The following ANP32E variants were observed in gnomAD, a reference collection of about 807,000 sequenced individuals.
ANP32E encodes acidic leucine-rich nuclear phosphoprotein 32 family member E.
Under a neutral mutation model 35.3 loss-of-function variants are expected in ANP32E, and 14 were observed. The observed-to-expected ratio is 0.40, with a 90% CI of 0.26 to 0.62. ANP32E has a LOEUF of 0.62. Ranked by LOEUF, ANP32E falls within the 20% of genes least tolerant of loss-of-function variation. The pLI, the probability that ANP32E is intolerant of heterozygous loss-of-function variation, is 0.45. For missense variants in ANP32E, 198 were observed against 304.4 expected (o/e 0.65, Z 2.60); for synonymous variants, 89 against 110.4 (o/e 0.81, Z 1.22).
At chr1:150,226,447 A>G (rs1648882106) in intron 5 of ANP32E, among the ~76,000 whole-genome samples, 161 bp downstream of exon 5, 1 of 152,188 alleles carries the variant, frequency 6.6e-6, no homozygotes, top group Admixed American at 6.5e-5. Context: ...ATCTGGATAT[A>G]GTTTGGGGTG....
At position 150,235,440 on chromosome 1, in the gene ANP32E, CA is replaced by C. The variant is rs1158759259; in HGVS notation, c.54+292del. On this transcript the variant is annotated intron_variant, in intron 1 of 6. Transcript: ENST00000583931. The surrounding 1 kb of genome is among the most constrained non-coding windows in gnomAD (Gnocchi z 4.2). ...CGGGAGCGAAGCGGCGGAGCGCCCC[CA>C]CCAGCCCGCTTCCCGCCCCCACGAG... Among the ~76,000 whole-genome samples the C allele has an allele frequency of 6.6e-6, 1 of 152,258 alleles. No homozygotes were observed. The highest frequency in any genetic ancestry group is 2.4e-5 in the African/African-American group (1 of 41,470).
At chr1:150,224,580 G>GAA (rs1320160965) in intron 5 of ANP32E, among the ~76,000 whole-genome samples, 16 of 150,390 alleles carry the variant, frequency 1.1e-4, no homozygotes, top group African/African-American at 1.7e-4. Flanking sequence ...TCTCAAAAAA[G>GAA]AAAAAAAAAG....
rs1553841439 is a variant in ANP32E, at chr1:150,230,592, A to T, written c.306T>A (p.Asp102Glu). 1 of 1,613,496 alleles carries T rather than the reference A, an allele frequency of 6.2e-7. No homozygotes were observed. The highest frequency in any genetic ancestry group is 2.2e-5 in the East Asian group (1 of 44,860). ...YLNLSGNKIK[D>E]LSTVEALQNL... is the part of the protein sequence containing the mutation. ...TTACCAGAGCTTCTACTGTACTGAG[A>T]TCTTTTATTTTGTTTCCACTCAGAT... is the stretch of plus-strand genomic sequence containing the variant. Residue 102 changes from aspartate (D) to glutamate (E), a missense_variant, in exon 3 of 7, where the codon GAT becomes GAA. Around this residue, in one of 4 missense-constraint regions of ANP32E, gnomAD observed 31 missense variants for 62.6 expected, o/e 0.50. Transcript: ENST00000583931.
At chr1:150,224,233 A>C (rs1206636656) in intron 5 of ANP32E, among the ~76,000 whole-genome samples, 1 of 152,202 alleles carries the variant, frequency 6.6e-6, no homozygotes, top group Non-Finnish European at 1.5e-5. Flanking sequence ...CAAGAAAAAA[A>C]GGGGAAGACT....
At chr1:150,222,552 C>T (rs1358309986) in intron 6 of ANP32E, among the ~76,000 whole-genome samples, 1 of 151,178 alleles carries the variant, frequency 6.6e-6, no homozygotes, top group Non-Finnish European at 1.5e-5. Flanking sequence ...ACCCAGAGTT[C>T]AACAAAGCCT....
chr1:150,234,426 T>TAAAAAAA (rs11380706), intron 1 of ANP32E, among the ~76,000 whole-genome samples: 2 of 141,510 alleles, frequency 1.4e-5, no homozygotes, highest in African/African-American at 5.3e-5. Context: ...AACAGGCACT[T>TAAAAAAA]AAAAAAAAAA....
intron 4 of ANP32E, 101 bp from the exon 5 acceptor site, chr1:150,226,896 C>A: frequency 7.0e-7 from 1 of 1,426,034 alleles, no homozygotes; most frequent in South Asian, 1.6e-5. Flanking sequence ...AACTTGTAAG[C>A]CAATAGGTGG....
Position 150,229,560 on chromosome 1 carries a change from C to T in ANP32E, c.328-323G>A, listed in dbSNP as rs587733532. ...AATGGCATGATCTCAGCTCACCACACCTCCGCCTCCCGGGTTCAAGCGATT... is the reference window on the plus strand; with the variant it reads ...AATGGCATGATCTCAGCTCACCACATCTCCGCCTCCCGGGTTCAAGCGATT... On this transcript the variant is annotated intron_variant, in intron 3 of 6. Transcript: ENST00000583931. Among the ~76,000 whole-genome samples, 5 of 152,220 alleles carry T rather than the reference C, an allele frequency of 3.3e-5. No individual in the cohort carries two copies. In the South Asian group the frequency reaches 1.0e-3, roughly 32 times the overall value.
chr1:150,233,264 CAAAAAAAAAAAAA>C (rs60732970), intron 1 of ANP32E, among the ~76,000 whole-genome samples: 89 of 86,390 alleles, frequency 1.0e-3, no homozygotes, highest in African/African-American at 3.4e-3. Flanking sequence ...GACTCTATCT[CAAAAAAAAAAAAA>C]AAAAAAAAAA....
At chr1:150,230,907 T>A (rs1649301322) in intron 2 of ANP32E, among the ~76,000 whole-genome samples, 1 of 152,150 alleles carries the variant, frequency 6.6e-6, no homozygotes, top group African/African-American at 2.4e-5. Context: ...CACACCCAGC[T>A]AACTTTTGTA....
chr1:150,229,981 C>T (rs1358328530), intron 3 of ANP32E, among the ~76,000 whole-genome samples: 8 of 152,124 alleles, frequency 5.3e-5, no homozygotes, highest in East Asian at 3.8e-4. Context: ...TTGTATTTTT[C>T]GAGTTTTATA....
intron 4 of ANP32E, among the ~76,000 whole-genome samples, chr1:150,227,135 G>A (rs143724400): frequency 0.02 from 3,085 of 152,210 alleles, 119 homozygotes; most frequent in African/African-American, 0.068. Context: ...GGGAATGCTT[G>A]TACACTGTTG....
At chr1:150,222,969 T>C (rs1360039214) in intron 6 of ANP32E, among the ~76,000 whole-genome samples, 1 of 151,968 alleles carries the variant, frequency 6.6e-6, no homozygotes, top group Non-Finnish European at 1.5e-5. Flanking sequence ...ATAAGCTGTT[T>C]ATGAGTTATG....
chr1:150,234,014 A>G (rs980092904), intron 1 of ANP32E, among the ~76,000 whole-genome samples: 1 of 152,144 alleles, frequency 6.6e-6, no homozygotes, highest in Non-Finnish European at 1.5e-5. Flanking sequence ...GAACAACACA[A>G]TCCACCTTAC....
In ANP32E at chr1:150,226,698, A is replaced by C; in HGVS notation, c.591T>G (p.Asp197Glu). The C allele has an allele frequency of 6.3e-7, 1 of 1,581,880 alleles. No individual in the cohort carries two copies. The highest frequency in any genetic ancestry group is 1.1e-5 in the South Asian group (1 of 89,620). ...EEEEEEEEDE[D>E]EDEDEDEAGS... ...CTGCTTCATCTTCATCTTCATCCTC[A>C]TCCTCATCCTCCTCTTCCTCTTCCT... The change falls in exon 5 of 7, where the codon GAT (aspartate) becomes GAG (glutamate). Residue 197 changes from aspartate (D) to glutamate (E), a missense_variant. Coordinates refer to ENST00000583931, the MANE Select transcript of ANP32E (RefSeq NM_030920.5).
At chr1:150,232,760 AC>A (rs1302013583) in intron 1 of ANP32E, among the ~76,000 whole-genome samples, 1 of 151,976 alleles carries the variant, frequency 6.6e-6, no homozygotes, top group East Asian at 1.9e-4. Flanking sequence ...GGGATGAGCC[AC>A]CTTGCCTGGC....
Position 150,220,161 on chromosome 1 carries a change from T to G in ANP32E, c.*530A>C, listed in dbSNP as rs2101750640. 1 of 150,872 alleles carries G rather than the reference T, an allele frequency of 6.6e-6. No homozygotes were observed. The highest frequency in any genetic ancestry group is 1.5e-5 in the Non-Finnish European group (1 of 68,026). The allele number at this position is 150,872 out of a possible 1,614,324, so 9.3% of individuals were successfully genotyped here. ...TAGAACCTTTACTATTCTGCTTCTA[T>G]TTTCCAAGTTACTTGTGACAAAAAA... On this transcript the variant is annotated 3_prime_UTR_variant, in exon 7 of 7. Transcript: ENST00000583931.
rs1553841789 is a variant in ANP32E, at chr1:150,231,810, C to T, written c.171G>A (p.Leu57=). The T allele has an allele frequency of 1.2e-6, 2 of 1,603,686 alleles. No homozygotes were observed. Among genetic ancestry groups the T allele is most frequent in the Admixed American group, 3.5e-5 (2 of 56,418 alleles). Residue 57 remains leucine (L), a synonymous_variant, in exon 2 of 7, where the codon CTG becomes CTA. Transcript: ENST00000583931. The stretch of plus-strand genomic sequence containing the variant: ...GTTTATTTAAGCTGGGAAGCCGGGC[C>T]AGCGAACTTAGTTCCACATTAGCCA... The part of the protein sequence containing the change: ...LSMANVELSS[L]ARLPSLNKLR...
intron 3 of ANP32E, among the ~76,000 whole-genome samples, chr1:150,230,105 C>T (rs1649237379): frequency 6.6e-6 from 1 of 151,934 alleles, no homozygotes; most frequent in South Asian, 2.1e-4. Flanking sequence ...TCTCAAACTC[C>T]TGGACTCAAG....
Sources: allele counts gnomAD v4.1 joint callset (sites outside exome capture counted in the v4.1 genomes callset), GRCh38; gene constraint gnomAD v4.1.1; regional missense constraint gnomAD v4.1.1; non-coding constraint Gnocchi (gnomAD v3.1); transcripts MANE v1.5; gene names NCBI Gene and HGNC (gene_info 2026-07-23, HGNC 2026-07-21).